NPAS3: variants seen among roughly 807,000 people sequenced by gnomAD.
NPAS3 encodes neuronal PAS domain-containing protein 3.
A neutral mutation model predicts 73.1 loss-of-function variants in NPAS3; 14 were observed. That is an observed-to-expected ratio of 0.19 (90% CI 0.13 to 0.30). The LOEUF (loss-of-function observed/expected upper bound fraction) is 0.30. Ranked by LOEUF, NPAS3 falls within the 10% of genes least tolerant of loss-of-function variation. The probability of loss-of-function intolerance (pLI) is 1.00; values close to 1 mark genes in which losing one functional copy is unlikely to be tolerated. For synonymous variants in NPAS3, 620 were observed against 541.5 expected (o/e 1.14, Z -2.01); for missense variants, 1,096 against 1,250.0 (o/e 0.88, Z 1.86).
chr14:33,366,414 G>A (rs2140415388), intron 3 of NPAS3, among the ~76,000 whole-genome samples: 1 of 152,218 alleles, frequency 6.6e-6, no homozygotes, highest in African/African-American at 2.4e-5. Context: ...GGATTATGAG[G>A]ACTCCTTGTG....
At chr14:33,601,063 G>A (rs1229868505) in intron 5 of NPAS3, among the ~76,000 whole-genome samples, 1 of 152,064 alleles carries the variant, frequency 6.6e-6, no homozygotes, top group East Asian at 1.9e-4. Flanking sequence ...TGACCCCATT[G>A]GCTAGCACCC....
intron 1 of NPAS3, among the ~76,000 whole-genome samples, chr14:32,968,485 C>CT (rs1411632931): frequency 8.5e-5 from 13 of 152,174 alleles, no homozygotes; most frequent in African/African-American, 3.1e-4. Context: ...AGGTTGGTGT[C>CT]TTATGTCGAA....
chr14:33,625,425 CA>C (rs1204589091), intron 5 of NPAS3, among the ~76,000 whole-genome samples: 1 of 152,160 alleles, frequency 6.6e-6, no homozygotes, highest in East Asian at 1.9e-4. Context: ...TTGCTTGTGA[CA>C]AATGGGGATG....
intron 5 of NPAS3, among the ~76,000 whole-genome samples, chr14:33,606,259 T>G (rs1405910528): frequency 8.0e-6 from 1 of 125,342 alleles, no homozygotes; most frequent in Non-Finnish European, 1.6e-5. Flanking sequence ...GAGTGTGATG[T>G]TCCCCTTCCT....
chr14:33,759,343 A>T (rs1245349492), intron 7 of NPAS3, among the ~76,000 whole-genome samples: 3 of 152,192 alleles, frequency 2.0e-5, no homozygotes, highest in African/African-American at 7.2e-5. Context: ...TGTTCTCTAA[A>T]TATTTACCAG....
chr14:33,027,013 G>A (rs1372673171), intron 1 of NPAS3, among the ~76,000 whole-genome samples: 3 of 152,178 alleles, frequency 2.0e-5, no homozygotes, highest in Non-Finnish European at 4.4e-5. Context: ...GGTGGTGTTA[G>A]ATGTGATGTG....
intron 4 of NPAS3, among the ~76,000 whole-genome samples, chr14:33,556,043 C>T (rs1268404060): frequency 6.6e-6 from 1 of 152,034 alleles, no homozygotes; most frequent in African/African-American, 2.4e-5. Flanking sequence ...ATTTTAATCT[C>T]ACCAGGAAAT....
At chr14:33,783,609 G>A (rs1486335382) in intron 9 of NPAS3, among the ~76,000 whole-genome samples, 2 of 149,160 alleles carry the variant, frequency 1.3e-5, no homozygotes, top group Admixed American at 6.7e-5. Flanking sequence ...GTGGGGGGGC[G>A]GGTACCGGCA....
At chr14:33,708,570 A>C (rs1000391697) in intron 6 of NPAS3, among the ~76,000 whole-genome samples, 1 of 152,190 alleles carries the variant, frequency 6.6e-6, no homozygotes, top group Admixed American at 6.5e-5. Context: ...GAAAACCAAT[A>C]CAGGCTTTAT....
intron 3 of NPAS3, among the ~76,000 whole-genome samples, chr14:33,358,358 G>C (rs2045435638): frequency 6.6e-6 from 1 of 152,172 alleles, no homozygotes; most frequent in Non-Finnish European, 1.5e-5. Context: ...AGGCACTGTA[G>C]GTGGGGTCCC....
intron 3 of NPAS3, among the ~76,000 whole-genome samples, chr14:33,278,458 T>C (rs895307571): frequency 1.3e-5 from 2 of 148,344 alleles, no homozygotes; most frequent in Non-Finnish European, 3.0e-5. Context: ...ATCCAGCCAA[T>C]GACTTGATAG....
intron 5 of NPAS3, among the ~76,000 whole-genome samples, chr14:33,601,692 G>T (rs192375389): frequency 6.6e-6 from 1 of 152,142 alleles, no homozygotes; most frequent in African/African-American, 2.4e-5. Context: ...GAATGTGCGT[G>T]CTCAAATACT....
intron 3 of NPAS3, among the ~76,000 whole-genome samples, chr14:33,237,143 A>G (rs1331923759): frequency 6.6e-6 from 1 of 152,114 alleles, no homozygotes. Flanking sequence ...ATACATAGGT[A>G]TGTGTTCATT....
intron 7 of NPAS3, among the ~76,000 whole-genome samples, chr14:33,752,816 A>G (rs2062002643): frequency 6.6e-6 from 1 of 152,088 alleles, no homozygotes; most frequent in South Asian, 2.1e-4. Context: ...ACGGCCTACC[A>G]TCTGTCTTTC....
chr14:33,662,202 A>G (rs1030109409), intron 5 of NPAS3, among the ~76,000 whole-genome samples: 1 of 152,222 alleles, frequency 6.6e-6, no homozygotes, highest in Non-Finnish European at 1.5e-5. Flanking sequence ...GCGCAGCTAG[A>G]CAAGGTACTT....
chr14:33,066,165 C>T (rs969513386), intron 2 of NPAS3, among the ~76,000 whole-genome samples: 14 of 152,106 alleles, frequency 9.2e-5, no homozygotes, highest in African/African-American at 2.4e-4. Flanking sequence ...AGCAGCAGCT[C>T]GGCTTCTCAT....
chr14:33,060,856 A>G (rs2041072304), intron 2 of NPAS3, among the ~76,000 whole-genome samples: 1 of 152,232 alleles, frequency 6.6e-6, no homozygotes. Flanking sequence ...ACACCATGAC[A>G]GGGCTTGGAT....
intron 3 of NPAS3, among the ~76,000 whole-genome samples, chr14:33,231,311 A>G (rs2047842395): frequency 6.6e-6 from 1 of 152,162 alleles, no homozygotes; most frequent in African/African-American, 2.4e-5. Context: ...CTCCCCTCAA[A>G]TATATATTTT....
chr14:33,028,819 AT>A (rs1399539970), intron 1 of NPAS3, among the ~76,000 whole-genome samples: 1 of 152,072 alleles, frequency 6.6e-6, no homozygotes, highest in Non-Finnish European at 1.5e-5. Flanking sequence ...ATATGTATAT[AT>A]TTTTTAGATT....
Sources: gnomAD v4.1 joint callset for allele counts (sites outside exome capture counted in the v4.1 genomes callset) on GRCh38, gnomAD v4.1.1 for gene constraint, MANE v1.5 for transcripts, NCBI Gene and HGNC (gene_info 2026-07-23, HGNC 2026-07-21) for gene names.